TRAM2: variants seen among roughly 807,000 people sequenced by gnomAD.
TRAM2 encodes translocation associated membrane protein 2, also known as translocating chain-associated membrane protein 2.
In TRAM2, 12 loss-of-function variants were observed where a neutral mutation model predicts 51.0. The ratio of observed to expected loss-of-function variants is 0.24; its 90% confidence interval spans 0.15 to 0.38. The LOEUF (loss-of-function observed/expected upper bound fraction) is 0.38. TRAM2 is among the 10% of genes least tolerant of loss of function. The pLI is 1.00. For missense variants in TRAM2, 361 were observed against 462.0 expected (o/e 0.78, Z 2.00); for synonymous variants, 175 against 179.4 (o/e 0.98, Z 0.20).
intron 2 of TRAM2, among the ~76,000 whole-genome samples, chr6:52,521,986 G>A (rs963802660): frequency 1.3e-5 from 2 of 152,182 alleles, no homozygotes; most frequent in Admixed American, 6.5e-5. Context: ...GAGCACAAAT[G>A]AGCCAGGTGG....
chr6:52,558,077 C>T (rs1309417285), intron 1 of TRAM2, among the ~76,000 whole-genome samples: 2 of 152,204 alleles, frequency 1.3e-5, no homozygotes, highest in African/African-American at 4.8e-5. Flanking sequence ...GTTTTGGCAG[C>T]AGCGCCCTTC....
intron 4 of TRAM2, among the ~76,000 whole-genome samples, chr6:52,513,873 C>T (rs1332073013): frequency 2.0e-5 from 3 of 152,228 alleles, no homozygotes; most frequent in African/African-American, 7.2e-5. Context: ...AGAGTGGAAA[C>T]AGTCTCCTTC....
Position 52,502,094 on chromosome 6 carries a change from G to A in TRAM2, c.*1103C>T, listed in dbSNP as rs1235379405. On this transcript the variant is annotated 3_prime_UTR_variant, in exon 11 of 11. Coordinates refer to ENST00000182527, the MANE Select transcript of TRAM2 (RefSeq NM_012288.4). ...GAACACTCAACAAGGGCGGCCAGAT[G>A]AACAGCGGTCCAAGTGACCCTCCCT... 1.3e-5 allele frequency: 2 copies of A among 152,338 alleles called. No homozygotes were observed. The highest frequency in any genetic ancestry group is 2.9e-5 in the Non-Finnish European group (2 of 68,108). 9.4% of individuals were successfully genotyped at this position (152,338 alleles called of 1,614,324 possible).
At chr6:52,504,445 G>A in intron 10 of TRAM2, 146 bp downstream of exon 10, 1 of 1,416,096 alleles carries the variant, frequency 7.1e-7, no homozygotes, top group Non-Finnish European at 9.3e-7. Context: ...GGAGCTAGGA[G>A]CCCCAGCCCT....
chr6:52,512,861 G>C (rs888885677), intron 4 of TRAM2, among the ~76,000 whole-genome samples: 1 of 152,162 alleles, frequency 6.6e-6, no homozygotes, highest in African/African-American at 2.4e-5. Flanking sequence ...CTGCCCTAAA[G>C]CAACTAGTCT....
Position 52,506,115 on chromosome 6 carries a change from G to C in TRAM2, c.648C>G (p.Ile216Met). 1 of 1,614,108 alleles carries C rather than the reference G, an allele frequency of 6.2e-7. No individual in the cohort carries two copies. Among genetic ancestry groups the C allele is most frequent in the Non-Finnish European group, 8.5e-7 (1 of 1,180,054 alleles). ...CAGTTGAGTACTGCAGCAGCAGCAA[G>C]ATCAGGCCCAGGCGGCTCAGGCTGG... Reference protein sequence around the residue: ...YLLNLSRLGLILLLLQYSTEF... With the variant: ...YLLNLSRLGLMLLLLQYSTEF... Residue 216 changes from isoleucine (I) to methionine (M), a missense_variant, in exon 8 of 11, where the codon ATC becomes ATG. Physicochemically the swap from Ile to Met is conservative, Grantham distance 10. Transcript: ENST00000182527.
intron 1 of TRAM2, among the ~76,000 whole-genome samples, chr6:52,571,321 C>T (rs770330497): frequency 5.4e-4 from 82 of 152,154 alleles, no homozygotes; most frequent in African/African-American, 1.9e-3. Context: ...GGGGCCCCTG[C>T]CCATGAAGAA....
At chr6:52,555,623 A>G (rs979265165) in intron 1 of TRAM2, among the ~76,000 whole-genome samples, 1 of 152,164 alleles carries the variant, frequency 6.6e-6, no homozygotes, top group Non-Finnish European at 1.5e-5. Context: ...AACCATAACC[A>G]TATGTTTTGG....
chr6:52,503,825 T>C (rs1766287662), intron 10 of TRAM2, among the ~76,000 whole-genome samples: 1 of 152,158 alleles, frequency 6.6e-6, no homozygotes, highest in African/African-American at 2.4e-5. Flanking sequence ...TCCGTGCGCT[T>C]GCTCAAATTC....
chr6:52,525,319 C>T (rs1028721037), intron 2 of TRAM2, among the ~76,000 whole-genome samples: 3 of 152,208 alleles, frequency 2.0e-5, no homozygotes, highest in Non-Finnish European at 4.4e-5. Flanking sequence ...GAGCTTAAGA[C>T]AGGCATGGGG....
In TRAM2 at chr6:52,498,210, A is replaced by G. The variant is rs1766128239; in HGVS notation, c.*4987T>C. 1 of 152,538 alleles carries G rather than the reference A, an allele frequency of 6.6e-6. No individual in the cohort carries two copies. The allele number at this position is 152,538 out of a possible 1,614,324, so 9.4% of individuals were successfully genotyped here. ...TTTCTCCCCCAGTTGCAGGTGTTTT[A>G]AGGGACAGAAAGGCTGTGGAAAGGA... is the stretch of plus-strand genomic sequence containing the variant. On this transcript the variant is annotated 3_prime_UTR_variant, in exon 11 of 11. Transcript: ENST00000182527.
At chr6:52,503,358 G>GC (rs1440189234) in intron 10 of TRAM2, 88 bp from the exon 11 acceptor site, 8 of 1,184,748 alleles carry the variant, frequency 6.8e-6, no homozygotes, top group Non-Finnish European at 1.0e-5. Context: ...CAAGGAAGGG[G>GC]CCCGGGCAGC....
chr6:52,506,743 C>T (rs772935786), intron 7 of TRAM2, among the ~76,000 whole-genome samples: 11 of 152,162 alleles, frequency 7.2e-5, no homozygotes, highest in African/African-American at 2.4e-4. Flanking sequence ...AAGACCCATC[C>T]GGGAACTGAC....
chr6:52,544,784 G>A (rs1318855136), intron 1 of TRAM2, among the ~76,000 whole-genome samples: 3 of 152,194 alleles, frequency 2.0e-5, no homozygotes, highest in African/African-American at 7.2e-5. Flanking sequence ...TCTTCAAAGT[G>A]GAGAAGGAAA....
rs115312411 is a variant in TRAM2, at chr6:52,540,733, C to G, written c.121-4887G>C. 1.9e-3 allele frequency among the ~76,000 whole-genome samples: 290 copies of G among 152,332 alleles called. 1 individual carries two copies. The highest frequency in any genetic ancestry group is 6.6e-3 in the African/African-American group (275 of 41,582). ...AGAACCAGGAGCCTATTAAAAATGT[C>G]ATTCCAATTATTTCTCATCCCTCTA... On this transcript the variant is annotated intron_variant, in intron 1 of 10. Coordinates refer to ENST00000182527, the MANE Select transcript of TRAM2 (RefSeq NM_012288.4).
chr6:52,559,499 A>C (rs906902638), intron 1 of TRAM2, among the ~76,000 whole-genome samples: 3 of 152,232 alleles, frequency 2.0e-5, no homozygotes, highest in African/African-American at 7.2e-5. Flanking sequence ...ATCTGTAAAA[A>C]GGGAGGCACC....
At chr6:52,508,350 G>T (rs369916194) in intron 5 of TRAM2, 32 bp from the exon 6 acceptor site, 1 of 1,605,934 alleles carries the variant, frequency 6.2e-7, no homozygotes, top group Non-Finnish European at 8.5e-7. Flanking sequence ...ACACGGGCAG[G>T]ATAGAGAAAA....
At chr6:52,568,738 G>T (rs1767629624) in intron 1 of TRAM2, among the ~76,000 whole-genome samples, 1 of 152,112 alleles carries the variant, frequency 6.6e-6, no homozygotes, top group African/African-American at 2.4e-5. Flanking sequence ...CCCCTCAACA[G>T]CCTCTTTTTA....
chr6:52,577,033 G>C lies in TRAM2; in HGVS notation c.-118C>G. The C allele has an allele frequency of 8.3e-7, 1 of 1,200,534 alleles. No homozygotes were observed. Among genetic ancestry groups the C allele is most frequent in the Non-Finnish European group, 1.0e-6 (1 of 953,346 alleles). 74.4% of individuals were successfully genotyped at this position (1,200,534 alleles called of 1,614,324 possible). ...GCCCGCCGCCCGCTCTCCCACAGCCGCTCGCCCGCCCAGCGCGGAACAACT... is the reference window on the plus strand; with the variant it reads ...GCCCGCCGCCCGCTCTCCCACAGCCCCTCGCCCGCCCAGCGCGGAACAACT... On this transcript the variant is annotated 5_prime_UTR_variant, in exon 1 of 11. Coordinates refer to ENST00000182527, the MANE Select transcript of TRAM2 (RefSeq NM_012288.4).
Sources: allele counts gnomAD v4.1 joint callset (sites outside exome capture counted in the v4.1 genomes callset), GRCh38; gene constraint gnomAD v4.1.1; transcripts MANE v1.5; gene names NCBI Gene and HGNC (gene_info 2026-07-23, HGNC 2026-07-21).